GIT2: variants seen among roughly 807,000 people sequenced by gnomAD.
The protein encoded by GIT2 is GIT ArfGAP 2, also known as ARF GTPase-activating protein GIT2.
In GIT2, 32 loss-of-function variants were observed where a neutral mutation model predicts 100.3. The observed-to-expected ratio is 0.32, with a 90% CI of 0.24 to 0.43. The LOEUF is 0.43. Ranked by LOEUF, GIT2 falls within the 20% of genes least tolerant of loss-of-function variation. The probability of loss-of-function intolerance (pLI) is 1.00; values close to 1 mark genes in which losing one functional copy is unlikely to be tolerated. For missense variants in GIT2, 737 were observed against 975.1 expected (o/e 0.76, Z 3.25); for synonymous variants, 353 against 364.1 (o/e 0.97, Z 0.35).
rs1470578347 is a variant in GIT2 at position 109,933,115 on chromosome 12, T to G, written c.2143A>C (p.Lys715Gln). ...CCGGGGTCCCCTGGGAGGGTCTTCT[T>G]GCACTCTGACTGCAGTCGGTAGGCA... ...SSAYRLQSEC[K>Q]KTLPGDPGSP... The change falls in exon 20 of 20, where the codon AAG (lysine) becomes CAG (glutamine). Residue 715 changes from lysine to glutamine, a missense_variant. By Grantham distance (53) the Lys-to-Gln change is moderately conservative (BLOSUM62 1). Coordinates refer to ENST00000355312, the MANE Select transcript of GIT2 (RefSeq NM_057169.5). The surrounding 1 kb of genome is among the most constrained non-coding windows in gnomAD (Gnocchi z 4.5). 5 of 1,611,742 alleles carry G rather than the reference T, an allele frequency of 3.1e-6. No homozygotes were observed. The highest frequency in any genetic ancestry group is 2.7e-5 in the African/African-American group (2 of 74,862).
At position 109,933,821 on chromosome 12, in the gene GIT2, G is replaced by A. The variant is rs979745278; in HGVS notation, c.2067+201C>T. ...TCTCCATGTTGGTCAGGCTGGCCTC[G>A]AACTCCCGACCTCAGGTGATCTGCC... On this transcript the variant is annotated intron_variant, in intron 19 of 19. Transcript: ENST00000355312. This position sits in a 1 kb window ranked among gnomAD's most constrained non-coding sequence, Gnocchi z 4.5. The A allele has an allele frequency of 2.0e-5, 11 of 537,878 alleles. No individual in the cohort carries two copies. The highest frequency in any genetic ancestry group is 1.8e-4 in the Admixed American group (6 of 32,578). 33.3% of individuals were successfully genotyped at this position (537,878 alleles called of 1,614,324 possible). A position where few individuals can be genotyped will look rare whatever the true frequency, so the allele number is the denominator to read the frequency against.
chr12:109,973,995 T>G (rs1219125729), intron 7 of GIT2, among the ~76,000 whole-genome samples: 1 of 151,928 alleles, frequency 6.6e-6, no homozygotes, highest in Non-Finnish European at 1.5e-5. Flanking sequence ...TGAGCCAAGA[T>G]CACATCACTG....
chr12:109,987,445 A>G (rs976446327), intron 4 of GIT2, among the ~76,000 whole-genome samples: 3 of 152,060 alleles, frequency 2.0e-5, no homozygotes, highest in African/African-American at 7.2e-5. Flanking sequence ...CAAAAACCAC[A>G]TGATCATCTC....
rs1479731403 is a variant in GIT2, at chr12:109,953,146, T to C, written c.1188A>G (p.Ala396=). Reference sequence around the variant, plus strand: ...TTTCCAAATCTGTGTCTTCGTCTGATGCCACGCTGTCATAGTCGGGCTGAT... The same window carrying C: ...TTTCCAAATCTGTGTCTTCGTCTGACGCCACGCTGTCATAGTCGGGCTGAT... ...DNDQPDYDSV[A]SDEDTDLETT... is the part of the protein sequence containing the mutation. The change falls in exon 13 of 20, where the codon GCA becomes GCG. Residue 396 remains alanine (A), a synonymous_variant. Coordinates refer to ENST00000355312, the MANE Select transcript of GIT2 (RefSeq NM_057169.5). 1.7e-5 allele frequency: 27 copies of C among 1,614,170 alleles called. No homozygotes were observed. The highest frequency in any genetic ancestry group is 2.1e-5 in the Non-Finnish European group (25 of 1,180,004).
At chr12:109,950,300 A>G (rs933414676) in intron 14 of GIT2, among the ~76,000 whole-genome samples, 2 of 152,224 alleles carry the variant, frequency 1.3e-5, no homozygotes, top group Non-Finnish European at 1.5e-5. Flanking sequence ...TGAAAACCTT[A>G]CTTCTCAAAT....
chr12:109,947,693 T>G lies in GIT2; in HGVS notation c.1393-189A>C. 1.7e-6 allele frequency: 1 copy of G among 572,572 alleles called. No homozygotes were observed. The highest frequency in any genetic ancestry group is 3.1e-6 in the Non-Finnish European group (1 of 323,878). The allele number at this position is 572,572 out of a possible 1,614,324, so 35.5% of individuals were successfully genotyped here. A position where few individuals can be genotyped will look rare whatever the true frequency, so the allele number is the denominator to read the frequency against. On this transcript the variant is annotated intron_variant, in intron 14 of 19. Transcript: ENST00000355312. This position sits in a 1 kb window ranked among gnomAD's most constrained non-coding sequence, Gnocchi z 4.3. The stretch of plus-strand genomic sequence containing the variant: ...TTGGGTGAAACACAATCAACTCCCT[T>G]CATCACGTAAGCAAATTAAATAGCT...
chr12:109,980,053 T>C (rs1885998794), intron 7 of GIT2, among the ~76,000 whole-genome samples: 3 of 152,206 alleles, frequency 2.0e-5, no homozygotes, highest in African/African-American at 7.2e-5. Flanking sequence ...CGCGGCTTTC[T>C]TGCAATAAAA....
chr12:109,939,241 T>A lies in GIT2; in HGVS notation c.1738A>T (p.Arg580Trp). 1 of 1,595,156 alleles carries A rather than the reference T, an allele frequency of 6.3e-7. No individual in the cohort carries two copies. The highest frequency in any genetic ancestry group is 8.6e-7 in the Non-Finnish European group (1 of 1,162,942). Reference sequence around the variant, plus strand: ...GGTGTGCTGTTCTGCTTCTCCAGCCTGGATGCCTACAAGAAAGAAGAGGGA... The same window carrying A: ...GGTGTGCTGTTCTGCTTCTCCAGCCAGGATGCCTACAAGAAAGAAGAGGGA... Reference protein sequence around the residue: ...SRDESARRASRLEKQNSTPES... With the variant: ...SRDESARRASWLEKQNSTPES... The change falls in exon 17 of 20, where the codon AGG becomes TGG. Residue 580 changes from arginine to tryptophan, a missense_variant. By Grantham distance (101) the Arg-to-Trp change is moderately radical. Around this residue, in one of 3 missense-constraint regions of GIT2, gnomAD observed 451 missense variants for 543.7 expected, o/e 0.83. Coordinates refer to ENST00000355312, the MANE Select transcript of GIT2 (RefSeq NM_057169.5).
intron 9 of GIT2, among the ~76,000 whole-genome samples, chr12:109,964,091 GA>G (rs1881698970): frequency 1.3e-5 from 2 of 152,206 alleles, no homozygotes; most frequent in African/African-American, 4.8e-5. Flanking sequence ...GATAGTCTAA[GA>G]AAACGTGGGT....
chr12:109,956,502 A>AT (rs1160530567), intron 12 of GIT2, among the ~76,000 whole-genome samples: 1 of 152,098 alleles, frequency 6.6e-6, no homozygotes, highest in African/African-American at 2.4e-5. Flanking sequence ...TGGTGACTCA[A>AT]TTTTTTTCTC....
intron 12 of GIT2, among the ~76,000 whole-genome samples, chr12:109,958,751 T>C (rs1474806438): frequency 6.6e-6 from 1 of 152,228 alleles, no homozygotes; most frequent in Non-Finnish European, 1.5e-5. Flanking sequence ...TTATGGTACA[T>C]ATTTCTTTTG....
intron 14 of GIT2, chr12:109,949,062 A>G: frequency 1.8e-6 from 1 of 566,302 alleles, no homozygotes; most frequent in Non-Finnish European, 3.1e-6. Flanking sequence ...AGAGCAAGCC[A>G]TTACAGAATG....
intron 18 of GIT2, among the ~76,000 whole-genome samples, chr12:109,937,733 G>A (rs918403017): frequency 3.3e-5 from 5 of 152,106 alleles, no homozygotes; most frequent in African/African-American, 7.2e-5. Context: ...AGACAGTTTC[G>A]CTATTGTTGC....
rs970236734 is a variant in GIT2, at chr12:109,948,041, C to T, written c.1393-537G>A. ...GAAAAATCAGATCGCCTATTGCTTT[C>T]CAAAAAGCCAACAAGAAAAATTATG... On this transcript the variant is annotated intron_variant, in intron 14 of 19. Transcript: ENST00000355312. The surrounding 1 kb of genome is among the most constrained non-coding windows in gnomAD (Gnocchi z 4.3). 6.4e-6 allele frequency: 5 copies of T among 776,796 alleles called. No homozygotes were observed. Among genetic ancestry groups the T allele is most frequent in the Middle Eastern group, 6.6e-4 (1 of 1,522 alleles). 48.1% of individuals were successfully genotyped at this position (776,796 alleles called of 1,614,324 possible). A position where few individuals can be genotyped will look rare whatever the true frequency, so the allele number is the denominator to read the frequency against.
At position 109,948,640 on chromosome 12, in the gene GIT2, A is replaced by G; in HGVS notation, c.1393-1136T>C. The G allele has an allele frequency of 7.0e-7, 1 of 1,428,186 alleles. No homozygotes were observed. Among genetic ancestry groups the G allele is most frequent in the Non-Finnish European group, 9.1e-7 (1 of 1,099,572 alleles). 88.5% of individuals were successfully genotyped at this position (1,428,186 alleles called of 1,614,324 possible). On this transcript the variant is annotated intron_variant, in intron 14 of 19. Coordinates refer to ENST00000355312, the MANE Select transcript of GIT2 (RefSeq NM_057169.5). This position sits in a 1 kb window ranked among gnomAD's most constrained non-coding sequence, Gnocchi z 4.3. ...AGTTCAGCTGTCTACTCTTTGACAG[A>G]GATTGTAAAATCTGACCAAATTCCC...
chr12:109,956,274 C>T (rs1175856588), intron 12 of GIT2, among the ~76,000 whole-genome samples: 4 of 152,110 alleles, frequency 2.6e-5, no homozygotes, highest in South Asian at 2.1e-4. Context: ...AGGGTGCAGA[C>T]GTGATCATGG....
At position 109,934,878 on chromosome 12, in the gene GIT2, C is replaced by T. The variant is rs1780161012; in HGVS notation, c.2004-793G>A. On this transcript the variant is annotated intron_variant, in intron 18 of 19. Transcript: ENST00000355312. The surrounding 1 kb of genome is among the most constrained non-coding windows in gnomAD (Gnocchi z 4.5). The stretch of plus-strand genomic sequence containing the variant: ...ATCACCTGAGGTCAGGAGTTTGAGA[C>T]CAGCCTGAACGACATGGTGAAATCC... Among the ~76,000 whole-genome samples the T allele has an allele frequency of 6.6e-6, 1 of 152,142 alleles. No individual in the cohort carries two copies. Among genetic ancestry groups the T allele is most frequent in the Non-Finnish European group, 1.5e-5 (1 of 68,028 alleles).
chr12:109,992,799 G>T (rs554163007), intron 1 of GIT2, among the ~76,000 whole-genome samples: 21 of 152,242 alleles, frequency 1.4e-4, no homozygotes, highest in Non-Finnish European at 2.1e-4. Flanking sequence ...AGCCTCCCGA[G>T]TAGCTGGAAT....
At chr12:109,969,373 G>A (rs1217874373) in intron 7 of GIT2, among the ~76,000 whole-genome samples, 2 of 151,686 alleles carry the variant, frequency 1.3e-5, no homozygotes, top group Admixed American at 1.3e-4. Flanking sequence ...CACCATGTTA[G>A]TCAGGTTGGT....
Sources: gnomAD v4.1 joint callset for allele counts (sites outside exome capture counted in the v4.1 genomes callset) on GRCh38, gnomAD v4.1.1 for gene constraint, gnomAD v4.1.1 regional missense constraint, Gnocchi (gnomAD v3.1) non-coding constraint, MANE v1.5 for transcripts, NCBI Gene and HGNC (gene_info 2026-07-23, HGNC 2026-07-21) for gene names.